Variants in NRXN1 observed in about 807,000 individuals in gnomAD.
NRXN1 encodes the protein neurexin 1, also known as neurexin-1.
In NRXN1, 39 loss-of-function variants were observed where a neutral mutation model predicts 150.9. The ratio of observed to expected loss-of-function variants is 0.26; its 90% CI spans 0.20 to 0.34. The LOEUF is 0.34. Ranked by LOEUF, NRXN1 falls within the 10% of genes least tolerant of loss-of-function variation. The probability of loss-of-function intolerance (pLI) is 1.00; values close to 1 mark genes in which losing one functional copy is unlikely to be tolerated. For missense variants in NRXN1, 1,815 were observed against 1,949.9 expected (o/e 0.93, Z 1.30); for synonymous variants, 924 against 757.0 (o/e 1.22, Z -3.62).
At chr2:50,781,098 G>C (rs1203139765) in intron 5 of NRXN1, among the ~76,000 whole-genome samples, 1 of 152,168 alleles carries the variant, frequency 6.6e-6, no homozygotes, top group Admixed American at 6.5e-5. Flanking sequence ...CAGAGTATCA[G>C]CAATTTTTTG....
chr2:50,872,385 T>C, intron 5 of NRXN1, among the ~76,000 whole-genome samples: 1 of 151,666 alleles, frequency 6.6e-6, no homozygotes, highest in East Asian at 2.0e-4. Flanking sequence ...TTGAGGAGTG[T>C]GGAGTACTTG....
At chr2:50,259,873 T>A (rs2068075661) in intron 17 of NRXN1, among the ~76,000 whole-genome samples, 1 of 151,884 alleles carries the variant, frequency 6.6e-6, no homozygotes, top group Non-Finnish European at 1.5e-5. Flanking sequence ...TTGATCTGCT[T>A]CCTCTACTCA....
chr2:50,887,806 T>C (rs1341465775), intron 5 of NRXN1, among the ~76,000 whole-genome samples: 1 of 151,508 alleles, frequency 6.6e-6, no homozygotes, highest in African/African-American at 2.4e-5. Flanking sequence ...CAGCAACAGA[T>C]TCAAGGTGCT....
At chr2:50,826,545 G>A (rs945651671) in intron 5 of NRXN1, among the ~76,000 whole-genome samples, 2 of 151,936 alleles carry the variant, frequency 1.3e-5, no homozygotes, top group African/African-American at 4.8e-5. Flanking sequence ...ATATAAATTC[G>A]GGATACATTT....
chr2:50,212,800 A>G (rs542359550), intron 18 of NRXN1, among the ~76,000 whole-genome samples: 3 of 151,916 alleles, frequency 2.0e-5, no homozygotes. Context: ...TGCTTGCATT[A>G]TATGAAACTT....
At chr2:50,776,223 C>G (rs1293335211) in intron 5 of NRXN1, among the ~76,000 whole-genome samples, 4 of 152,050 alleles carry the variant, frequency 2.6e-5, no homozygotes, top group Non-Finnish European at 5.9e-5. Flanking sequence ...CAAGACTTAA[C>G]AGAAACATTT....
At chr2:50,489,792 C>T (rs1448450188) in intron 15 of NRXN1, among the ~76,000 whole-genome samples, 1 of 152,152 alleles carries the variant, frequency 6.6e-6, no homozygotes, top group Non-Finnish European at 1.5e-5. Flanking sequence ...AAAGAATTTA[C>T]ACTCTGCTGA....
At chr2:50,459,825 G>A (rs2087978532) in intron 17 of NRXN1, among the ~76,000 whole-genome samples, 1 of 152,024 alleles carries the variant, frequency 6.6e-6, no homozygotes, top group South Asian at 2.1e-4. Context: ...TTTTAGAGAA[G>A]TAAAATCTAT....
intron 5 of NRXN1, among the ~76,000 whole-genome samples, chr2:50,722,419 A>T (rs1696791123): frequency 6.6e-6 from 1 of 152,202 alleles, no homozygotes; most frequent in African/African-American, 2.4e-5. Context: ...CAGGTTAATT[A>T]TGATATATCC....
At chr2:50,686,481 G>A (rs1691250563) in intron 5 of NRXN1, among the ~76,000 whole-genome samples, 3 of 152,114 alleles carry the variant, frequency 2.0e-5, no homozygotes, top group African/African-American at 7.2e-5. Context: ...CCTCTCTTAG[G>A]AGAAAATCAC....
intron 3 of NRXN1, among the ~76,000 whole-genome samples, chr2:50,924,363 C>T (rs941415212): frequency 1.3e-5 from 2 of 149,882 alleles, no homozygotes; most frequent in Non-Finnish European, 3.0e-5. Flanking sequence ...GCTTATGGGC[C>T]TATATTCTAA....
At chr2:50,431,293 C>G in intron 17 of NRXN1, among the ~76,000 whole-genome samples, 1 of 152,132 alleles carries the variant, frequency 6.6e-6, no homozygotes, top group East Asian at 1.9e-4. Context: ...CCCTTGACAT[C>G]CTAGGTTTTT....
chr2:50,433,142 T>A (rs1176092866), intron 17 of NRXN1, among the ~76,000 whole-genome samples: 1 of 152,248 alleles, frequency 6.6e-6, no homozygotes, highest in Non-Finnish European at 1.5e-5. Context: ...CAAGCTATTC[T>A]ATGGAAAGAT....
intron 9 of NRXN1, among the ~76,000 whole-genome samples, chr2:50,541,770 C>T (rs1219596970): frequency 2.0e-5 from 3 of 151,952 alleles, no homozygotes; most frequent in Admixed American, 6.6e-5. Context: ...ACTCTACAGC[C>T]TCTGAAGCAC....
chr2:50,061,254 C>A (rs578068304), intron 19 of NRXN1, among the ~76,000 whole-genome samples: 2 of 152,042 alleles, frequency 1.3e-5, no homozygotes, highest in East Asian at 3.9e-4. Flanking sequence ...TACATCTAGA[C>A]CTTACATGCA....
At chr2:50,990,464 G>C (rs541641401) in intron 2 of NRXN1, among the ~76,000 whole-genome samples, 1 of 152,076 alleles carries the variant, frequency 6.6e-6, no homozygotes, top group East Asian at 1.9e-4. Context: ...ATAGTTAACA[G>C]TTCAAGCGCT....
chr2:50,551,583 TG>T (rs1159164800), intron 9 of NRXN1, among the ~76,000 whole-genome samples: 1 of 152,088 alleles, frequency 6.6e-6, no homozygotes, highest in African/African-American at 2.4e-5. Flanking sequence ...CTTAGTTGGT[TG>T]GGGGTGGGTG....
At chr2:50,351,206 G>A (rs1367944791) in intron 17 of NRXN1, among the ~76,000 whole-genome samples, 1 of 152,148 alleles carries the variant, frequency 6.6e-6, no homozygotes, top group Non-Finnish European at 1.5e-5. Context: ...CTGGTTGGAG[G>A]AAACATGGTT....
intron 8 of NRXN1, among the ~76,000 whole-genome samples, chr2:50,560,980 T>A (rs1182493734): frequency 6.6e-6 from 1 of 152,132 alleles, no homozygotes; most frequent in East Asian, 1.9e-4. Flanking sequence ...AAAAAAATAG[T>A]TAAAAATTGG....
Sources: allele counts gnomAD v4.1 joint callset (sites outside exome capture counted in the v4.1 genomes callset), GRCh38; gene constraint gnomAD v4.1.1; transcripts MANE v1.5; gene names NCBI Gene and HGNC (gene_info 2026-07-23, HGNC 2026-07-21).